HABP4: variants seen among roughly 807,000 people sequenced by gnomAD.
HABP4 encodes the protein hyaluronan binding protein 4, also known as intracellular hyaluronan-binding protein 4.
A neutral mutation model predicts 44.1 loss-of-function variants in HABP4; 32 were observed. That is an observed-to-expected ratio of 0.73 (90% CI 0.55 to 0.97). HABP4 has a LOEUF of 0.97. HABP4 is among the 50% of genes least tolerant of loss of function. HABP4 has a pLI of 0.00. For missense variants in HABP4, 503 were observed against 561.9 expected (o/e 0.90, Z 1.06); for synonymous variants, 216 against 218.0 (o/e 0.99, Z 0.08).
At chr9:96,453,790 A>G (rs1444297003) in intron 1 of HABP4, among the ~76,000 whole-genome samples, 1 of 152,258 alleles carries the variant, frequency 6.6e-6, no homozygotes, top group Admixed American at 6.5e-5. Flanking sequence ...AGTGAAATGC[A>G]GTGCTTGCAT....
At chr9:96,484,932 G>A (rs922663624) in intron 6 of HABP4, among the ~76,000 whole-genome samples, 13 of 152,222 alleles carry the variant, frequency 8.5e-5, no homozygotes, top group African/African-American at 2.9e-4. Flanking sequence ...TCTCAAGGGA[G>A]AGTTACAGAT....
chr9:96,468,361 G>A (rs1331001971), intron 4 of HABP4, among the ~76,000 whole-genome samples: 3 of 151,592 alleles, frequency 2.0e-5, no homozygotes, highest in East Asian at 1.9e-4. Flanking sequence ...AGGTTCAAGC[G>A]ATTCTCCTGC....
At chr9:96,475,330 CG>C (rs1190525747) in intron 5 of HABP4, among the ~76,000 whole-genome samples, 20 of 146,990 alleles carry the variant, frequency 1.4e-4, no homozygotes, top group African/African-American at 5.2e-4. Flanking sequence ...GAGCCGAGAT[CG>C]TGCCACTGCA....
chr9:96,472,141 C>T (rs1160549614), intron 5 of HABP4, among the ~76,000 whole-genome samples: 5 of 152,238 alleles, frequency 3.3e-5, no homozygotes, highest in Admixed American at 6.5e-5. Context: ...TTTGGACCTG[C>T]TGCTGTAACT....
At position 96,488,215 on chromosome 9, in the gene HABP4, C is replaced by A. The variant is rs775773097; in HGVS notation, c.1126C>A (p.Arg376=). 1 of 1,613,558 alleles carries A rather than the reference C, an allele frequency of 6.2e-7. No individual in the cohort carries two copies. Among genetic ancestry groups the A allele is most frequent in the South Asian group, 1.1e-5 (1 of 91,066 alleles). ...TGGGCGTGGAGCCAGAGGAGGCACC[C>A]GGGGAGGCCGGGGAAGGATCAGGAG... ...RPGRGARGGT[R]GGRGRIRRAE... Residue 376 remains arginine, a synonymous_variant, in exon 7 of 8, where the codon CGG becomes AGG. Transcript: ENST00000375249. This position sits in a 1 kb window ranked among gnomAD's most constrained non-coding sequence, Gnocchi z 4.6.
chr9:96,457,998 A>G (rs879575111), intron 1 of HABP4, among the ~76,000 whole-genome samples: 1 of 152,202 alleles, frequency 6.6e-6, no homozygotes, highest in Admixed American at 6.5e-5. Context: ...TCTGAAATAT[A>G]GGGTATTCTT....
At chr9:96,452,479 G>A (rs1411523172) in intron 1 of HABP4, among the ~76,000 whole-genome samples, 1 of 152,008 alleles carries the variant, frequency 6.6e-6, no homozygotes, top group African/African-American at 2.4e-5. Flanking sequence ...GTTGCAACCT[G>A]TTTCCTGCAC....
At chr9:96,476,688 C>T (rs1213693480) in intron 5 of HABP4, among the ~76,000 whole-genome samples, 2 of 152,160 alleles carry the variant, frequency 1.3e-5, no homozygotes, top group African/African-American at 2.4e-5. Flanking sequence ...CTAAAACTGC[C>T]GGTAAAACTG....
Sources: gnomAD v4.1 joint callset for allele counts (sites outside exome capture counted in the v4.1 genomes callset) on GRCh38, gnomAD v4.1.1 for gene constraint, Gnocchi (gnomAD v3.1) non-coding constraint, MANE v1.5 for transcripts, NCBI Gene and HGNC (gene_info 2026-07-23, HGNC 2026-07-21) for gene names.